Variants in CPS1 observed in about 807,000 individuals in gnomAD.
The protein encoded by CPS1 is carbamoyl-phosphate synthase 1, also known as carbamoyl-phosphate synthase [ammonia], mitochondrial.
CPS1 carries 109 observed loss-of-function variants against 174.6 expected under a neutral mutation model. That is an observed-to-expected ratio of 0.62 (90% CI 0.53 to 0.73). The LOEUF is 0.73. Ranked by LOEUF, CPS1 falls within the 30% of genes least tolerant of loss-of-function variation. CPS1 has a pLI of 0.00. For synonymous variants in CPS1, 637 were observed against 632.0 expected, an observed-to-expected ratio of 1.01 and a Z score of -0.12; for missense variants, 1,689 against 1,821.9, an observed-to-expected ratio of 0.93 and a Z score of 1.33.
At chr2:210,639,581 C>T (rs895140902) in intron 23 of CPS1, among the ~76,000 whole-genome samples, 1 of 133,610 alleles carries the variant, frequency 7.5e-6, no homozygotes, top group South Asian at 2.3e-4. Flanking sequence ...CACTGCAGTC[C>T]GCAGTCCGGC....
intron 30 of CPS1, 77 bp downstream of exon 30, chr2:210,656,709 T>C: frequency 5.1e-6 from 5 of 981,380 alleles, no homozygotes; most frequent in Non-Finnish European, 7.9e-6. Flanking sequence ...TTTTTTTTTT[T>C]AAAGCTAGGT....
chr2:210,639,986 A>T lies in CPS1; in HGVS notation c.2896-10A>T. On this transcript the variant is annotated splice_polypyrimidine_tract_variant and intron_variant, in intron 23 of 37. Coordinates refer to ENST00000233072, the MANE Select transcript of CPS1 (RefSeq NM_001875.5). The stretch of plus-strand genomic sequence containing the variant: ...ATGATTTCTGCATCTTCCTTTTCTT[A>T]TTTCCTCAGGAGCATGATGTCAATT... 1 of 1,602,454 alleles carries T rather than the reference A, an allele frequency of 6.2e-7. No individual in the cohort carries two copies. The highest frequency in any genetic ancestry group is 8.5e-7 in the Non-Finnish European group (1 of 1,170,206).
At chr2:210,610,576 G>A (rs1390998113) in intron 19 of CPS1, among the ~76,000 whole-genome samples, 6 of 151,858 alleles carry the variant, frequency 4.0e-5, no homozygotes, top group Non-Finnish European at 8.8e-5. Flanking sequence ...ATAGGGTTGA[G>A]GAAGCCCATT....
chr2:210,509,203 C>A (rs1167801293), intron 1 of CPS1, among the ~76,000 whole-genome samples: 1 of 152,132 alleles, frequency 6.6e-6, no homozygotes, highest in Non-Finnish European at 1.5e-5. Flanking sequence ...GGCTTCATCC[C>A]TGGGATGCAA....
intron 1 of CPS1, among the ~76,000 whole-genome samples, chr2:210,523,613 G>T (rs1398105900): frequency 6.6e-6 from 1 of 152,054 alleles, no homozygotes; most frequent in East Asian, 1.9e-4. Flanking sequence ...TTCTGTGTCT[G>T]AGTTGTTTCA....
intron 1 of CPS1, among the ~76,000 whole-genome samples, chr2:210,558,249 T>A (rs182923037): frequency 2.6e-5 from 4 of 152,204 alleles, no homozygotes; most frequent in Admixed American, 6.5e-5. Context: ...TTACTCTTTT[T>A]AAATGGACAT....
chr2:210,489,854 CG>C (rs1324551692), intron 1 of CPS1, among the ~76,000 whole-genome samples: 5 of 151,796 alleles, frequency 3.3e-5, no homozygotes, highest in Admixed American at 3.3e-4. Flanking sequence ...AAAAATTAGC[CG>C]GGCGTGGTGG....
In CPS1 at chr2:210,608,462, G is replaced by A. The variant is rs1356112836; in HGVS notation, c.2294G>A (p.Ser765Asn). ...AAGACATCAGCCTGTTTTGAACCTA[G>A]CCTGGATTACATGGTCACCAAGATT... The part of the protein sequence containing the change: ...SGKTSACFEP[S>N]LDYMVTKIPR... The change falls in exon 19 of 38, where the codon AGC (serine) becomes AAC (asparagine). Residue 765 changes from serine (S) to asparagine (N), a missense_variant. By Grantham distance (46) the Ser-to-Asn change is conservative. Coordinates refer to ENST00000233072, the MANE Select transcript of CPS1 (RefSeq NM_001875.5). 2 of 1,612,522 alleles carry A rather than the reference G, an allele frequency of 1.2e-6. No homozygotes were observed. Among genetic ancestry groups the A allele is most frequent in the Non-Finnish European group, 1.7e-6 (2 of 1,179,002 alleles).
chr2:210,616,410 C>T lies in CPS1; in HGVS notation c.2569-13C>T. 3 of 1,553,628 alleles carry T rather than the reference C, an allele frequency of 1.9e-6. No individual in the cohort carries two copies. The highest frequency in any genetic ancestry group is 2.7e-6 in the Non-Finnish European group (3 of 1,125,942). ...ATGTTTGCCAAAGAAAGTATCTCTT[C>T]TCCTCTTGGCAGGCCATTGATGACA... On this transcript the variant is annotated splice_polypyrimidine_tract_variant and intron_variant, in intron 20 of 37. Coordinates refer to ENST00000233072, the MANE Select transcript of CPS1 (RefSeq NM_001875.5).
upstream of CPS1, among the ~76,000 whole-genome samples, chr2:210,552,112 C>G (rs1306940512): frequency 6.6e-6 from 1 of 151,948 alleles, no homozygotes; most frequent in Non-Finnish European, 1.5e-5. Flanking sequence ...CCAATTACTT[C>G]TACCTTTTAT....
At chr2:210,613,977 A>G (rs1360107297) in intron 20 of CPS1, among the ~76,000 whole-genome samples, 1 of 151,946 alleles carries the variant, frequency 6.6e-6, no homozygotes, top group African/African-American at 2.4e-5. Flanking sequence ...CTGAAGGGGA[A>G]AAAGAATGAA....
intron 1 of CPS1, among the ~76,000 whole-genome samples, chr2:210,534,201 C>T (rs147646629): frequency 4.5e-4 from 68 of 152,240 alleles, no homozygotes; most frequent in African/African-American, 1.4e-3. Flanking sequence ...AGACTGCTCG[C>T]GAGGGGCTAC....
chr2:210,576,249 C>A, intron 2 of CPS1, 97 bp from the exon 3 acceptor site: 1 of 1,317,510 alleles, frequency 7.6e-7, no homozygotes. Context: ...GGATTCTTCT[C>A]ATTTTCAAGG....
intron 22 of CPS1, 31 bp from the exon 23 acceptor site, chr2:210,639,119 A>T (rs200219527): frequency 1.4e-5 from 22 of 1,562,164 alleles, no homozygotes; most frequent in Admixed American, 3.4e-5. Flanking sequence ...TAACATTCTT[A>T]TTTGTTTATT....
intron 1 of CPS1, among the ~76,000 whole-genome samples, chr2:210,551,159 C>G (rs990928285): frequency 1.3e-5 from 2 of 151,916 alleles, no homozygotes; most frequent in African/African-American, 2.4e-5. Flanking sequence ...TCTTTTTGGA[C>G]TAACTTACAC....
chr2:210,587,936 T>C, intron 6 of CPS1, 122 bp from the exon 7 acceptor site: 1 of 868,244 alleles, frequency 1.2e-6, no homozygotes, highest in Non-Finnish European at 2.0e-6. Context: ...AGTCACTCCC[T>C]AGTAGTTAAC....
chr2:210,605,517 T>C (rs547161653), intron 17 of CPS1, among the ~76,000 whole-genome samples: 1 of 151,982 alleles, frequency 6.6e-6, no homozygotes, highest in Admixed American at 6.6e-5. Context: ...ATAAGATCCA[T>C]AAAACTTAGT....
chr2:210,638,496 G>T (rs1024647068), intron 22 of CPS1, among the ~76,000 whole-genome samples: 5 of 152,188 alleles, frequency 3.3e-5, no homozygotes, highest in Middle Eastern at 3.4e-3. Flanking sequence ...TGCTCAAGGG[G>T]CACGTGCATA....
In CPS1 at chr2:210,630,079, C is replaced by CA. The variant is rs1233917758; in HGVS notation, c.2688-7616dup. ...GAGAGCGAGACTATGTCTCAAAAAA[C>CA]AAAAAAACAAAACAAAAAAAAAAAA... On this transcript the variant is annotated intron_variant, in intron 21 of 37. Transcript: ENST00000233072. Among the ~76,000 whole-genome samples the CA allele has an allele frequency of 7.6e-5, 8 of 105,022 alleles. No homozygotes were observed. The East Asian group carries it at 1.2e-3, about 15-fold the overall frequency. The allele number at this position is 105,022 out of a possible 152,430, so 68.9% of individuals were successfully genotyped here. A position where few individuals can be genotyped will look rare whatever the true frequency, so the allele number is the denominator to read the frequency against.
Sources: gnomAD v4.1 joint callset for allele counts (sites outside exome capture counted in the v4.1 genomes callset) on GRCh38, gnomAD v4.1.1 for gene constraint, MANE v1.5 for transcripts, NCBI Gene and HGNC (gene_info 2026-07-23, HGNC 2026-07-21) for gene names.